Variants in COL2A1 observed in about 807,000 individuals in gnomAD.
COL2A1 encodes the protein collagen alpha-1(II) chain.
A neutral mutation model predicts 204.5 loss-of-function variants in COL2A1; 28 were observed. The ratio of observed to expected loss-of-function variants is 0.14; its 90% CI spans 0.10 to 0.19. The LOEUF (loss-of-function observed/expected upper bound fraction) is 0.19, where lower values mean the gene tolerates loss of function less well. Ranked by LOEUF, COL2A1 falls within the 10% of genes least tolerant of loss-of-function variation. COL2A1 has a pLI of 1.00. For missense variants in COL2A1, 1,388 were observed against 2,027.5 expected, an observed-to-expected ratio of 0.68 and a Z score of 6.06; for synonymous variants, 708 against 718.7, an observed-to-expected ratio of 0.99 and a Z score of 0.24.
At chr12:47,981,917 T>G in intron 35 of COL2A1, 88 bp from the exon 36 acceptor site, 1 of 1,388,662 alleles carries the variant, frequency 7.2e-7, no homozygotes. Flanking sequence ...TGGTGCGTGC[T>G]CCCACCGCCT....
chr12:47,973,094 C>T lies in COL2A1; in HGVS notation c.*313G>A, dbSNP rs1375673352. 2 of 601,094 alleles carry T rather than the reference C, an allele frequency of 3.3e-6. No homozygotes were observed. The highest frequency in any genetic ancestry group is 3.7e-5 in the African/African-American group (2 of 53,916). 37.2% of individuals were successfully genotyped at this position (601,094 alleles called of 1,614,324 possible). ...CTGCGCCCGGCACCTGAAGGGAGGT[C>T]TTCTGGCCTGGGCTGGGGGCAGTCA... On this transcript the variant is annotated 3_prime_UTR_variant, in exon 54 of 54. Coordinates refer to ENST00000380518, the MANE Select transcript of COL2A1 (RefSeq NM_001844.5).
At chr12:47,977,974 C>A in intron 44 of COL2A1, 36 bp downstream of exon 44, 1 of 1,571,692 alleles carries the variant, frequency 6.4e-7, no homozygotes, top group South Asian at 1.1e-5. Flanking sequence ...GCCCCTCTCC[C>A]CAATCAGGGC....
chr12:47,976,222 T>G lies in COL2A1; in HGVS notation c.3490-152A>C. On this transcript the variant is annotated intron_variant, in intron 49 of 53. Coordinates refer to ENST00000380518, the MANE Select transcript of COL2A1 (RefSeq NM_001844.5). The surrounding 1 kb of genome is among the most constrained non-coding windows in gnomAD (Gnocchi z 4.3). ...TCATGGAACCCTAAGTTGGTCTCTA[T>G]TTGGCCAAGAACCAGCAGGATAGCT... 1.4e-6 allele frequency: 1 copy of G among 736,504 alleles called. No homozygotes were observed. The highest frequency in any genetic ancestry group is 1.5e-5 in the South Asian group (1 of 68,076). 45.6% of individuals were successfully genotyped at this position (736,504 alleles called of 1,614,324 possible).
chr12:47,976,610 A>T lies in COL2A1; in HGVS notation c.3436-43T>A. 1 of 1,592,298 alleles carries T rather than the reference A, an allele frequency of 6.3e-7. No homozygotes were observed. The highest frequency in any genetic ancestry group is 8.6e-7 in the Non-Finnish European group (1 of 1,160,266). On this transcript the variant is annotated intron_variant, in intron 48 of 53. Transcript: ENST00000380518. The surrounding 1 kb of genome is among the most constrained non-coding windows in gnomAD (Gnocchi z 4.3). ...GCAAAAGGCCACGGTCAGCACAGAC[A>T]TATCTATCTATATTCTGGGAGCTGG...
chr12:47,975,899 A>G, intron 50 of COL2A1, 64 bp downstream of exon 50: 1 of 1,289,350 alleles, frequency 7.8e-7, no homozygotes, highest in Non-Finnish European at 1.1e-6. Flanking sequence ...CTGAGCAAAA[A>G]AGAGCTCAAG....
In COL2A1 at chr12:47,978,297, G is replaced by C. The variant is rs370412811; in HGVS notation, c.2997C>G (p.Gly999=). ...RGERGFPGLP[G]PSGEPGKQGA... is the part of the protein sequence containing the mutation. ...AGGGATACCCCACACTCACCGACGG[G>C]CCAGGCAAGCCAGGGAATCCTCTCT... The change falls in exon 43 of 54, where the codon GGC becomes GGG. Residue 999 remains glycine, a synonymous_variant. Transcript: ENST00000380518. This position sits in a 1 kb window ranked among gnomAD's most constrained non-coding sequence, Gnocchi z 5.5. 1 of 1,613,788 alleles carries C rather than the reference G, an allele frequency of 6.2e-7. No homozygotes were observed. The highest frequency in any genetic ancestry group is 1.3e-5 in the African/African-American group (1 of 74,920).
Position 47,986,302 on chromosome 12 carries a change from GC to G in COL2A1, c.1527+33del, listed in dbSNP as rs772617455. ...CTCCACTTCCCTCTCGAGGTCACAGGCCCCATGGGATGGAGCCTCCACATTC... is the reference window on the plus strand; with the variant it reads ...CTCCACTTCCCTCTCGAGGTCACAGGCCCATGGGATGGAGCCTCCACATTC... On this transcript the variant is annotated intron_variant, in intron 23 of 53. Coordinates refer to ENST00000380518, the MANE Select transcript of COL2A1 (RefSeq NM_001844.5). 2.2e-6 allele frequency: 3 copies of G among 1,381,108 alleles called. No homozygotes were observed. In the South Asian group the frequency reaches 3.7e-5, roughly 17 times the overall value. 85.6% of individuals were successfully genotyped at this position (1,381,108 alleles called of 1,614,324 possible).
intron 7 of COL2A1, among the ~76,000 whole-genome samples, chr12:47,997,042 G>A (rs1939995897): frequency 6.6e-6 from 1 of 152,212 alleles, no homozygotes; most frequent in African/African-American, 2.4e-5. Context: ...AAGAGATGTA[G>A]TAGGCATCTG....
chr12:47,986,317 G>A lies in COL2A1; in HGVS notation c.1527+19C>T, dbSNP rs775205950. ...GAGGTCACAGGCCCCATGGGATGGA[G>A]CCTCCACATTCACTTAACTCTTTCT... On this transcript the variant is annotated intron_variant, in intron 23 of 53. Coordinates refer to ENST00000380518, the MANE Select transcript of COL2A1 (RefSeq NM_001844.5). 4.7e-6 allele frequency: 7 copies of A among 1,478,534 alleles called. No individual in the cohort carries two copies. Among genetic ancestry groups the A allele is most frequent in the Admixed American group, 3.9e-5 (2 of 51,264 alleles). The allele number at this position is 1,478,534 out of a possible 1,614,324, so 91.6% of individuals were successfully genotyped here. A position where few individuals can be genotyped will look rare whatever the true frequency, so the allele number is the denominator to read the frequency against.
At chr12:47,974,517 G>A (rs908185469) in intron 52 of COL2A1, among the ~76,000 whole-genome samples, 158 bp downstream of exon 52, 8 of 151,992 alleles carry the variant, frequency 5.3e-5, no homozygotes, top group Admixed American at 2.0e-4. Context: ...CCACCTCCAC[G>A]TGGGGAAAAA....
At chr12:47,985,476 C>A in intron 26 of COL2A1, 58 bp downstream of exon 26, 1 of 1,566,596 alleles carries the variant, frequency 6.4e-7, no homozygotes, top group South Asian at 1.1e-5. Context: ...TCTCTTTTCC[C>A]TTGCTTCCCC....
intron 40 of COL2A1, among the ~76,000 whole-genome samples, 157 bp downstream of exon 40, chr12:47,979,852 G>GC (rs1938943568): frequency 6.6e-6 from 1 of 152,122 alleles, no homozygotes; most frequent in Non-Finnish European, 1.5e-5. Context: ...GCCCACAGGC[G>GC]CCCTCTCTCC....
At chr12:47,975,730 C>A (rs1592197134) in intron 50 of COL2A1, 125 bp from the exon 51 acceptor site, 1 of 1,059,766 alleles carries the variant, frequency 9.4e-7, no homozygotes, top group East Asian at 2.6e-5. Context: ...GGAGGTGTAG[C>A]AGGCGAGGAC....
chr12:47,983,471 A>C lies in COL2A1; in HGVS notation c.1996-33T>G, dbSNP rs374451797. 1.2e-5 allele frequency: 19 copies of C among 1,608,646 alleles called. No homozygotes were observed. The Admixed American group carries it at 3.2e-4, about 27-fold the overall frequency. ...CCGAAGTGACAAGCGTTAGCAAAGG[A>C]GTGAGTTTGCTGCCCTGGCCCCCAG... is the stretch of plus-strand genomic sequence containing the variant. On this transcript the variant is annotated intron_variant, in intron 30 of 53. Transcript: ENST00000380518.
chr12:47,981,879 C>T, intron 35 of COL2A1, 50 bp from the exon 36 acceptor site: 1 of 1,543,408 alleles, frequency 6.5e-7, no homozygotes, highest in Non-Finnish European at 8.8e-7. Context: ...GCCAGCCGAG[C>T]ACGTGCGGCC....
chr12:47,978,442 C>A lies in COL2A1; in HGVS notation c.2896-44G>T. The stretch of plus-strand genomic sequence containing the variant: ...GAGATGAGAACTGACAGTGGCCCAG[C>A]CTCTTCTGTCCTCTCAGCACAGCTC... On this transcript the variant is annotated intron_variant, in intron 42 of 53. Coordinates refer to ENST00000380518, the MANE Select transcript of COL2A1 (RefSeq NM_001844.5). The surrounding 1 kb of genome is among the most constrained non-coding windows in gnomAD (Gnocchi z 5.5). 1 of 1,595,304 alleles carries A rather than the reference C, an allele frequency of 6.3e-7. No homozygotes were observed. The highest frequency in any genetic ancestry group is 1.3e-5 in the African/African-American group (1 of 74,536).
rs930102771 is a variant in COL2A1 at position 47,978,877 on chromosome 12, C to A, written c.2734-119G>T. On this transcript the variant is annotated intron_variant, in intron 41 of 53. Coordinates refer to ENST00000380518, the MANE Select transcript of COL2A1 (RefSeq NM_001844.5). The surrounding 1 kb of genome is among the most constrained non-coding windows in gnomAD (Gnocchi z 5.5). ...CTCTGGGGGCTTCTCTACCTCCCCA[C>A]ACTAAGGGCAGGCAGCTTAACCCCC... 2.9e-6 allele frequency: 3 copies of A among 1,032,962 alleles called. No individual in the cohort carries two copies. Among genetic ancestry groups the A allele is most frequent in the Non-Finnish European group, 4.4e-6 (3 of 681,054 alleles). The allele number at this position is 1,032,962 out of a possible 1,614,324, so 64.0% of individuals were successfully genotyped here. A position where few individuals can be genotyped will look rare whatever the true frequency, so the allele number is the denominator to read the frequency against.
chr12:47,973,399 T>C lies in COL2A1; in HGVS notation c.*8A>G. The C allele has an allele frequency of 6.2e-7, 1 of 1,614,160 alleles. No homozygotes were observed. The highest frequency in any genetic ancestry group is 1.1e-5 in the South Asian group (1 of 91,068). On this transcript the variant is annotated 3_prime_UTR_variant, in exon 54 of 54. Transcript: ENST00000380518. Reference sequence around the variant, plus strand: ...GCAACGGATTGTGTTGTTTCTGGGTTCAGGTTTTTACAAGAAGCAGACCGG... The same window carrying C: ...GCAACGGATTGTGTTGTTTCTGGGTCCAGGTTTTTACAAGAAGCAGACCGG...
At chr12:47,998,678 G>A (rs1259623193) in intron 2 of COL2A1, 6 of 526,152 alleles carry the variant, frequency 1.1e-5, no homozygotes, top group African/African-American at 7.7e-5. Flanking sequence ...CAGGCAGCAT[G>A]CAAAAGAAAG....
Sources: allele counts gnomAD v4.1 joint callset (sites outside exome capture counted in the v4.1 genomes callset), GRCh38; gene constraint gnomAD v4.1.1; non-coding constraint Gnocchi (gnomAD v3.1); transcripts MANE v1.5; gene names NCBI Gene and HGNC (gene_info 2026-07-23, HGNC 2026-07-21).